The following HIPK2 variants were observed in gnomAD, a reference collection of about 807,000 sequenced individuals.
HIPK2 encodes homeodomain-interacting protein kinase 2.
Under a neutral mutation model 113.7 loss-of-function variants are expected in HIPK2, and 27 were observed. That is an observed-to-expected ratio of 0.24 (90% CI 0.17 to 0.33). The LOEUF (loss-of-function observed/expected upper bound fraction) is 0.33. Among genes scored for constraint, HIPK2 ranks in the 10% least tolerant of loss-of-function variants. The probability of loss-of-function intolerance (pLI) is 1.00; values close to 1 mark genes in which losing one functional copy is unlikely to be tolerated. For missense variants in HIPK2, 1,257 were observed against 1,588.0 expected (o/e 0.79, Z 3.54); for synonymous variants, 631 against 642.2 (o/e 0.98, Z 0.26).
At chr7:139,720,548 TC>T (rs1159139122) in intron 1 of HIPK2, among the ~76,000 whole-genome samples, 5 of 152,166 alleles carry the variant, frequency 3.3e-5, no homozygotes, top group Admixed American at 2.6e-4. Context: ...CAAGTCAACA[TC>T]CCCCTTATTC....
chr7:139,742,141 G>A (rs1796113482), intron 1 of HIPK2, among the ~76,000 whole-genome samples: 2 of 152,176 alleles, frequency 1.3e-5, no homozygotes, highest in Admixed American at 6.5e-5. Context: ...ACTCAGCCAC[G>A]ACATGGTTAT....
chr7:139,648,831 A>G (rs1485191430), intron 2 of HIPK2, among the ~76,000 whole-genome samples: 1 of 150,956 alleles, frequency 6.6e-6, no homozygotes, highest in Non-Finnish European at 1.5e-5. Context: ...TTCAGTGTGG[A>G]CAAATATTTG....
rs1043803526 is a variant in HIPK2 at position 139,564,230 on chromosome 7, G to C, written c.*8697C>G. ...AACGAATAAATGACAGCAGATATATGGAAAACCCAGCCAGCGACCATGGGA... is the reference window on the plus strand; with the variant it reads ...AACGAATAAATGACAGCAGATATATCGAAAACCCAGCCAGCGACCATGGGA... On this transcript the variant is annotated 3_prime_UTR_variant, in exon 15 of 15. Transcript: ENST00000406875. 3.3e-6 allele frequency: 1 copy of C among 302,344 alleles called. No individual in the cohort carries two copies. The highest frequency in any genetic ancestry group is 2.1e-5 in the African/African-American group (1 of 46,650). 18.7% of individuals were successfully genotyped at this position (302,344 alleles called of 1,614,324 possible).
intron 1 of HIPK2, among the ~76,000 whole-genome samples, chr7:139,719,388 G>A (rs1254130016): frequency 3.9e-5 from 6 of 152,100 alleles, no homozygotes; most frequent in African/African-American, 4.8e-5. Context: ...ACAGGTGTGA[G>A]CCACCGCACC....
At chr7:139,725,369 A>G (rs1190885605) in intron 1 of HIPK2, among the ~76,000 whole-genome samples, 3 of 152,252 alleles carry the variant, frequency 2.0e-5, no homozygotes, top group Non-Finnish European at 4.4e-5. Flanking sequence ...AGTGTACTTC[A>G]GTCCATCAGG....
chr7:139,628,511 C>T (rs374507919), intron 5 of HIPK2, among the ~76,000 whole-genome samples: 3 of 151,192 alleles, frequency 2.0e-5, no homozygotes, highest in African/African-American at 2.4e-5. Flanking sequence ...GGTGTGATCT[C>T]GGCTCACTGC....
intron 1 of HIPK2, among the ~76,000 whole-genome samples, chr7:139,752,667 C>T (rs540006572): frequency 2.6e-5 from 4 of 151,520 alleles, no homozygotes; most frequent in Non-Finnish European, 5.9e-5. Context: ...TAAAGCAAAT[C>T]CTATTTCTCA....
chr7:139,757,241 G>A (rs146380819), intron 1 of HIPK2, among the ~76,000 whole-genome samples: 46 of 152,206 alleles, frequency 3.0e-4, no homozygotes, highest in African/African-American at 8.9e-4. Flanking sequence ...AGGCTTTCCC[G>A]GAGGAAAAAC....
Position 139,626,702 on chromosome 7 carries a change from C to A in HIPK2, c.1518G>T (p.Lys506Asn). 1 of 1,613,964 alleles carries A rather than the reference C, an allele frequency of 6.2e-7. No individual in the cohort carries two copies. Among genetic ancestry groups the A allele is most frequent in the Non-Finnish European group, 8.5e-7 (1 of 1,179,898 alleles). The change falls in exon 6 of 15, where the codon AAG (lysine) becomes AAT (asparagine). Residue 506 changes from lysine (K) to asparagine (N), a missense_variant. Lys to Asn is a moderately conservative substitution (Grantham distance 94). Transcript: ENST00000406875. ...DRREFIDLLKKMLTIDADKRI... is the reference protein window; with the variant it reads ...DRREFIDLLKNMLTIDADKRI... ...TCTTGTCAGCATCAATGGTCAGCATCTTCTTCAACAGGTCAATGAACTCCC... is the reference window on the plus strand; with the variant it reads ...TCTTGTCAGCATCAATGGTCAGCATATTCTTCAACAGGTCAATGAACTCCC...
At chr7:139,707,151 T>C (rs1794924939) in intron 2 of HIPK2, among the ~76,000 whole-genome samples, 1 of 152,224 alleles carries the variant, frequency 6.6e-6, no homozygotes, top group Non-Finnish European at 1.5e-5. Context: ...TCATGGGGCT[T>C]ACTCCTCTCA....
At chr7:139,701,809 G>A (rs1389239107) in intron 2 of HIPK2, among the ~76,000 whole-genome samples, 2 of 152,204 alleles carry the variant, frequency 1.3e-5, no homozygotes, top group Admixed American at 6.5e-5. Flanking sequence ...AAGGGGAATG[G>A]GGCAGAACTG....
At chr7:139,579,484 A>C (rs1267792930) in intron 13 of HIPK2, among the ~76,000 whole-genome samples, 2 of 152,182 alleles carry the variant, frequency 1.3e-5, no homozygotes, top group Non-Finnish European at 2.9e-5. Context: ...CCCTTGATTG[A>C]ATTCGGTTGG....
At chr7:139,777,442 C>T (rs1796795706) in intron 1 of HIPK2, 163 bp downstream of exon 1, 1 of 164,332 alleles carries the variant, frequency 6.1e-6, no homozygotes, top group Non-Finnish European at 1.3e-5. Context: ...CGCCGGGTCC[C>T]GGTCATCTTC....
intron 2 of HIPK2, among the ~76,000 whole-genome samples, chr7:139,664,375 T>C (rs1801972826): frequency 1.3e-5 from 2 of 151,920 alleles, no homozygotes; most frequent in African/African-American, 2.4e-5. Context: ...CCATCTCTAC[T>C]AAAAATATAA....
chr7:139,647,266 G>C (rs1006965702), intron 2 of HIPK2, among the ~76,000 whole-genome samples: 29 of 152,204 alleles, frequency 1.9e-4, no homozygotes, highest in Middle Eastern at 3.4e-3. Flanking sequence ...GAGGGTCGGT[G>C]TCTGCAGACA....
intron 12 of HIPK2, among the ~76,000 whole-genome samples, chr7:139,590,953 TC>T (rs1380208942): frequency 6.6e-6 from 1 of 152,184 alleles, no homozygotes. Flanking sequence ...GAAGCAATCC[TC>T]CCATCTCAGC....
intron 11 of HIPK2, among the ~76,000 whole-genome samples, chr7:139,598,480 C>G (rs1799301455): frequency 6.6e-6 from 1 of 152,182 alleles, no homozygotes; most frequent in African/African-American, 2.4e-5. Flanking sequence ...ATGTTTTTCA[C>G]TACCAATGGT....
intron 1 of HIPK2, among the ~76,000 whole-genome samples, chr7:139,721,815 C>T (rs185450414): frequency 1.5e-3 from 229 of 152,260 alleles, no homozygotes; most frequent in Middle Eastern, 3.4e-3. Flanking sequence ...TAAGAGGAAC[C>T]CAGGAGGTCA....
At chr7:139,719,935 C>T (rs980037161) in intron 1 of HIPK2, among the ~76,000 whole-genome samples, 1 of 152,176 alleles carries the variant, frequency 6.6e-6, no homozygotes, top group Admixed American at 6.5e-5. Context: ...CTTCCTAAAA[C>T]ATCTCTGAGC....
Sources: gnomAD v4.1 joint callset for allele counts (sites outside exome capture counted in the v4.1 genomes callset) on GRCh38, gnomAD v4.1.1 for gene constraint, MANE v1.5 for transcripts, NCBI Gene and HGNC (gene_info 2026-07-23, HGNC 2026-07-21) for gene names.